Variants in TOM1L2 observed in about 807,000 individuals in gnomAD.
TOM1L2 encodes TOM1-like protein 2.
A neutral mutation model predicts 67.9 loss-of-function variants in TOM1L2; 31 were observed. The observed-to-expected ratio is 0.46, with a 90% CI of 0.34 to 0.62. The LOEUF (loss-of-function observed/expected upper bound fraction) is 0.62. Among genes scored for constraint, TOM1L2 ranks in the 20% least tolerant of loss-of-function variants. The pLI is 0.01. For synonymous variants in TOM1L2, 256 were observed against 254.0 expected (o/e 1.01, Z -0.07); for missense variants, 606 against 663.5 (o/e 0.91, Z 0.95).
chr17:17,932,632 G>C (rs2144713988), intron 1 of TOM1L2, among the ~76,000 whole-genome samples: 1 of 152,274 alleles, frequency 6.6e-6, no homozygotes, highest in Non-Finnish European at 1.5e-5. Flanking sequence ...ATGGGATGTG[G>C]TGGGGAATGT....
intron 1 of TOM1L2, among the ~76,000 whole-genome samples, chr17:17,934,562 C>T (rs1479313614): frequency 1.3e-5 from 2 of 152,076 alleles, no homozygotes; most frequent in Admixed American, 1.3e-4. Flanking sequence ...TTATGTCTTA[C>T]TGTGTTTTGT....
intron 1 of TOM1L2, among the ~76,000 whole-genome samples, chr17:17,955,561 G>C (rs1287220731): frequency 6.6e-6 from 1 of 152,028 alleles, no homozygotes; most frequent in Admixed American, 6.5e-5. Flanking sequence ...GGACAGTCTT[G>C]ATCTCCTGAC....
intron 8 of TOM1L2, among the ~76,000 whole-genome samples, chr17:17,868,011 T>C (rs1351450900): frequency 1.3e-5 from 2 of 152,224 alleles, no homozygotes; most frequent in Non-Finnish European, 2.9e-5. Context: ...CTCTGAATTA[T>C]GTGTAATGCT....
chr17:17,872,057 C>A (rs915321415), intron 7 of TOM1L2: 2 of 985,346 alleles, frequency 2.0e-6, no homozygotes, highest in Non-Finnish European at 2.4e-6. Context: ...CAGACGTGGT[C>A]TGGATTGCCA....
intron 6 of TOM1L2, 56 bp downstream of exon 6, chr17:17,882,649 A>G: frequency 6.3e-7 from 1 of 1,597,162 alleles, no homozygotes; most frequent in South Asian, 1.1e-5. Context: ...TGTCTCCCAG[A>G]AAGATGAAAA....
intron 1 of TOM1L2, among the ~76,000 whole-genome samples, chr17:17,909,861 T>G (rs183944886): frequency 6.6e-6 from 1 of 152,174 alleles, no homozygotes; most frequent in South Asian, 2.1e-4. Context: ...AGACATTGTT[T>G]CTACAAAAAA....
At chr17:17,914,071 T>A (rs1329664182) in intron 1 of TOM1L2, among the ~76,000 whole-genome samples, 1 of 152,196 alleles carries the variant, frequency 6.6e-6, no homozygotes, top group Non-Finnish European at 1.5e-5. Context: ...AGTCTCCTCT[T>A]GAGGAGGCTG....
At chr17:17,887,034 T>C (rs1598269364) in intron 4 of TOM1L2, among the ~76,000 whole-genome samples, 1 of 152,196 alleles carries the variant, frequency 6.6e-6, no homozygotes, top group African/African-American at 2.4e-5. Context: ...TGCTCGGAGG[T>C]GCAGGCGTAC....
chr17:17,902,089 T>C (rs1296349235), intron 2 of TOM1L2, among the ~76,000 whole-genome samples: 1 of 152,116 alleles, frequency 6.6e-6, no homozygotes, highest in Non-Finnish European at 1.5e-5. Context: ...GGCAGGAGAA[T>C]TGCTTGAGCC....
At chr17:17,946,886 G>A (rs1212256384) in intron 1 of TOM1L2, among the ~76,000 whole-genome samples, 1 of 152,066 alleles carries the variant, frequency 6.6e-6, no homozygotes, top group Non-Finnish European at 1.5e-5. Flanking sequence ...CACCACGCCT[G>A]GCTAATTTTT....
chr17:17,848,785 A>C (rs1171071620), intron 14 of TOM1L2, 38 bp downstream of exon 14: 2 of 1,612,660 alleles, frequency 1.2e-6, no homozygotes, highest in African/African-American at 1.3e-5. Flanking sequence ...GCACAGAGGC[A>C]ACAAAAGGGG....
chr17:17,851,073 CA>C, intron 12 of TOM1L2, 121 bp from the exon 13 acceptor site: 4 of 1,048,084 alleles, frequency 3.8e-6, no homozygotes, highest in East Asian at 2.5e-5. Context: ...GTACACAGAG[CA>C]AAAAAACACA....
intron 1 of TOM1L2, among the ~76,000 whole-genome samples, chr17:17,939,897 G>A (rs937429318): frequency 2.6e-5 from 4 of 152,124 alleles, no homozygotes; most frequent in Non-Finnish European, 5.9e-5. Context: ...GAAGTGTTAA[G>A]AATTCTGCTT....
chr17:17,955,263 G>C (rs1375365110), intron 1 of TOM1L2, among the ~76,000 whole-genome samples: 2 of 151,670 alleles, frequency 1.3e-5, no homozygotes, highest in Non-Finnish European at 2.9e-5. Flanking sequence ...ACCGGCAGAG[G>C]GCCCTCACTT....
At chr17:17,891,784 C>CGTGT (rs374192888) in intron 4 of TOM1L2, among the ~76,000 whole-genome samples, 14,268 of 143,094 alleles carry the variant, frequency 0.1, 750 homozygotes, top group South Asian at 0.15. Flanking sequence ...TGCATGCACA[C>CGTGT]GTGTGTGTGT....
In TOM1L2 at chr17:17,845,362, G is replaced by C. The variant is rs1229376991; in HGVS notation, c.*2273C>G. The C allele has an allele frequency of 6.6e-6, 1 of 152,326 alleles. No homozygotes were observed. The highest frequency in any genetic ancestry group is 1.5e-5 in the Non-Finnish European group (1 of 68,092). 9.4% of individuals were successfully genotyped at this position (152,326 alleles called of 1,614,324 possible). On this transcript the variant is annotated 3_prime_UTR_variant, in exon 15 of 15. Coordinates refer to ENST00000379504, the MANE Select transcript of TOM1L2 (RefSeq NM_001082968.2). ...GCAACCAGCTGGCGCTGGCGCTGGA[G>C]CTGGAGCGGGGCAGTTCTGGGAGTG...
chr17:17,871,034 T>C (rs1346100069), intron 7 of TOM1L2, among the ~76,000 whole-genome samples: 1 of 152,182 alleles, frequency 6.6e-6, no homozygotes, highest in Admixed American at 6.5e-5. Flanking sequence ...TGGGAGGCTC[T>C]CCCCAAGTAC....
rs1405936647 is a variant in TOM1L2 at position 17,844,791 on chromosome 17, A to G, written c.*2844T>C. 2.0e-5 allele frequency: 3 copies of G among 152,272 alleles called. No homozygotes were observed. Among genetic ancestry groups the G allele is most frequent in the African/African-American group, 2.4e-5 (1 of 41,478 alleles). 9.4% of individuals were successfully genotyped at this position (152,272 alleles called of 1,614,324 possible). A position where few individuals can be genotyped will look rare whatever the true frequency, so the allele number is the denominator to read the frequency against. On this transcript the variant is annotated 3_prime_UTR_variant, in exon 15 of 15. Coordinates refer to ENST00000379504, the MANE Select transcript of TOM1L2 (RefSeq NM_001082968.2). ...GGTTAGTTTTCACATCTCAGCAACAATGAACGCAGAAAGGGTTAAACACAT... is the reference window on the plus strand; with the variant it reads ...GGTTAGTTTTCACATCTCAGCAACAGTGAACGCAGAAAGGGTTAAACACAT...
In TOM1L2 at chr17:17,847,410, G is replaced by A; in HGVS notation, c.*225C>T. ...AACATGGGCAGAGGGGCCCATGGTG[G>A]GAGGGGAGAGAGTCTCTGGCTGCAG... is the stretch of plus-strand genomic sequence containing the variant. On this transcript the variant is annotated 3_prime_UTR_variant, in exon 15 of 15. Transcript: ENST00000379504. The A allele has an allele frequency of 3.3e-6, 2 of 597,444 alleles. No homozygotes were observed. The highest frequency in any genetic ancestry group is 5.7e-6 in the Non-Finnish European group (2 of 349,314). 37.0% of individuals were successfully genotyped at this position (597,444 alleles called of 1,614,324 possible).
Sources: gnomAD v4.1 joint callset for allele counts (sites outside exome capture counted in the v4.1 genomes callset) on GRCh38, gnomAD v4.1.1 for gene constraint, MANE v1.5 for transcripts, NCBI Gene and HGNC (gene_info 2026-07-23, HGNC 2026-07-21) for gene names.